RBFOX1: variants seen among roughly 807,000 people sequenced by gnomAD.
RBFOX1 encodes the protein RNA binding protein fox-1 homolog 1.
RBFOX1 carries 8 observed loss-of-function variants against 57.7 expected under a neutral mutation model. That is an observed-to-expected ratio of 0.14 (90% confidence interval 0.08 to 0.25). The LOEUF is 0.25. Among genes scored for constraint, RBFOX1 ranks in the 10% least tolerant of loss-of-function variants. RBFOX1 has a pLI of 1.00. For synonymous variants in RBFOX1, 326 were observed against 222.4 expected (o/e 1.47, Z -4.15); for missense variants, 611 against 548.5 (o/e 1.11, Z -1.14).
chr16:5,375,845 G>C (rs533844890), intron 1 of RBFOX1, among the ~76,000 whole-genome samples: 2 of 152,144 alleles, frequency 1.3e-5, no homozygotes, highest in Non-Finnish European at 2.9e-5. Flanking sequence ...TGCCCTTTGC[G>C]ATAAGACTTT....
At chr16:7,250,401 C>G (rs759561930) in intron 4 of RBFOX1, among the ~76,000 whole-genome samples, 1 of 152,140 alleles carries the variant, frequency 6.6e-6, no homozygotes, top group Non-Finnish European at 1.5e-5. Flanking sequence ...TGATATAAAG[C>G]CATTTCTTCA....
intron 4 of RBFOX1, among the ~76,000 whole-genome samples, chr16:7,188,614 T>C (rs1373067090): frequency 6.6e-6 from 1 of 152,188 alleles, no homozygotes; most frequent in African/African-American, 2.4e-5. Context: ...GCTGCAGACT[T>C]TTCCAATAAG....
chr16:6,893,599 A>C (rs2066043258), intron 3 of RBFOX1, among the ~76,000 whole-genome samples: 1 of 152,138 alleles, frequency 6.6e-6, no homozygotes, highest in Non-Finnish European at 1.5e-5. Context: ...TCTCCTCTCC[A>C]GTTTTTATAT....
intron 4 of RBFOX1, among the ~76,000 whole-genome samples, chr16:7,316,745 A>T (rs1292081752): frequency 6.6e-6 from 1 of 151,992 alleles, no homozygotes; most frequent in East Asian, 1.9e-4. Flanking sequence ...GAGGTAGGCA[A>T]GGAGGTGGGG....
chr16:5,606,270 A>G (rs1359047191), intron 3 of RBFOX1, among the ~76,000 whole-genome samples: 4 of 152,000 alleles, frequency 2.6e-5, no homozygotes, highest in Non-Finnish European at 5.9e-5. Flanking sequence ...TCCATGCCCC[A>G]TGTTCCCTGA....
At chr16:5,488,008 G>C (rs1452698282) in intron 2 of RBFOX1, among the ~76,000 whole-genome samples, 1 of 151,228 alleles carries the variant, frequency 6.6e-6, no homozygotes, top group Non-Finnish European at 1.5e-5. Flanking sequence ...AGATAATAGT[G>C]ATGATGATGA....
chr16:6,565,169 T>C (rs1473597228), intron 2 of RBFOX1, among the ~76,000 whole-genome samples: 1 of 147,630 alleles, frequency 6.8e-6, no homozygotes, highest in African/African-American at 2.5e-5. Context: ...GAAGGTAAAC[T>C]ACAGTGATAA....
intron 1 of RBFOX1, among the ~76,000 whole-genome samples, chr16:6,233,574 A>G (rs765104169): frequency 1.3e-5 from 2 of 152,112 alleles, no homozygotes; most frequent in Non-Finnish European, 2.9e-5. Context: ...CTCACCCTCT[A>G]CATTGTTCAC....
intron 3 of RBFOX1, among the ~76,000 whole-genome samples, chr16:6,750,156 A>G (rs1043453609): frequency 6.6e-6 from 1 of 152,188 alleles, no homozygotes; most frequent in African/African-American, 2.4e-5. Flanking sequence ...GGCATGCTGG[A>G]GAGAGCAAAA....
chr16:5,311,402 T>C (rs2064085574), intron 1 of RBFOX1, among the ~76,000 whole-genome samples: 3 of 152,334 alleles, frequency 2.0e-5, no homozygotes, highest in South Asian at 4.1e-4. Flanking sequence ...GACTTCTCTT[T>C]TGGGTGGGTA....
At chr16:6,825,043 C>T (rs1408043427) in intron 3 of RBFOX1, among the ~76,000 whole-genome samples, 1 of 117,686 alleles carries the variant, frequency 8.5e-6, no homozygotes, top group Non-Finnish European at 1.6e-5. Flanking sequence ...GTCACCCAGG[C>T]TGGAATGCAG....
At chr16:7,182,331 C>A (rs1386862843) in intron 4 of RBFOX1, among the ~76,000 whole-genome samples, 1 of 152,058 alleles carries the variant, frequency 6.6e-6, no homozygotes, top group African/African-American at 2.4e-5. Flanking sequence ...AAAAAAAGAC[C>A]AAAAAGTAAA....
Position 6,564,678 on chromosome 16 carries a change from C to T in RBFOX1, c.-63-89925C>T, listed in dbSNP as rs1386252510. ...ATGGAGAGCTGTTGGTCAAAACACA[C>T]AAATTTCAGTAAAAAGATGAACAGG... is the stretch of plus-strand genomic sequence containing the variant. On this transcript the variant is annotated intron_variant, in intron 2 of 15. Transcript: ENST00000550418. 2.6e-5 allele frequency among the ~76,000 whole-genome samples: 4 copies of T among 152,064 alleles called. No individual in the cohort carries two copies. In the South Asian group the frequency reaches 8.3e-4, roughly 32 times the overall value.
chr16:7,095,722 C>A (rs28475466), intron 4 of RBFOX1, among the ~76,000 whole-genome samples: 6,817 of 152,086 alleles, frequency 0.045, 446 homozygotes, highest in African/African-American at 0.15. Context: ...TAATTCATTT[C>A]CTTGTTAAGA....
intron 4 of RBFOX1, among the ~76,000 whole-genome samples, chr16:7,244,492 C>G (rs12922713): frequency 2.0e-5 from 3 of 152,050 alleles, no homozygotes; most frequent in Non-Finnish European, 4.4e-5. Context: ...ATTCAGTTTT[C>G]TTAAGTAAGA....
chr16:7,276,588 C>T (rs560605660), intron 4 of RBFOX1, among the ~76,000 whole-genome samples: 47 of 152,058 alleles, frequency 3.1e-4, no homozygotes, highest in Non-Finnish European at 6.5e-4. Flanking sequence ...CCTAGGGGAT[C>T]ACTTAATTCA....
chr16:7,082,485 G>GGGAGGCTGAT, intron 4 of RBFOX1, among the ~76,000 whole-genome samples: 1 of 151,582 alleles, frequency 6.6e-6, no homozygotes, highest in African/African-American at 2.4e-5. Context: ...GGGAGGCTGA[G>GGGAGGCTGAT]ATGGGAGGAT....
intron 4 of RBFOX1, among the ~76,000 whole-genome samples, chr16:7,361,981 G>T (rs1299924011): frequency 2.0e-5 from 3 of 151,974 alleles, no homozygotes; most frequent in Non-Finnish European, 4.4e-5. Flanking sequence ...ATGCCAGTGT[G>T]TGTATGTGTG....
At chr16:5,893,261 C>G (rs2058087557) in intron 4 of RBFOX1, among the ~76,000 whole-genome samples, 1 of 152,188 alleles carries the variant, frequency 6.6e-6, no homozygotes, top group African/African-American at 2.4e-5. Flanking sequence ...TAGTATTTTA[C>G]AAGTAAATAC....
Sources: gnomAD v4.1 joint callset for allele counts (sites outside exome capture counted in the v4.1 genomes callset) on GRCh38, gnomAD v4.1.1 for gene constraint, MANE v1.5 for transcripts, NCBI Gene and HGNC (gene_info 2026-07-23, HGNC 2026-07-21) for gene names.